ANO2: variants seen among roughly 807,000 people sequenced by gnomAD.
ANO2 encodes the protein anoctamin 2.
Under a neutral mutation model 124.2 loss-of-function variants are expected in ANO2, and 101 were observed. The ratio of observed to expected loss-of-function variants is 0.81; its 90% CI spans 0.69 to 0.96. The LOEUF (loss-of-function observed/expected upper bound fraction) is 0.96. Ranked by LOEUF, ANO2 falls within the 40% of genes least tolerant of loss-of-function variation. The pLI, the probability that ANO2 is intolerant of heterozygous loss-of-function variation, is 0.00. For missense variants in ANO2, 1,293 were observed against 1,274.5 expected, an observed-to-expected ratio of 1.01 and a Z score of -0.22; for synonymous variants, 486 against 482.5, an observed-to-expected ratio of 1.01 and a Z score of -0.09.
rs1950188590 is a variant in ANO2 at position 5,720,565 on chromosome 12, TC to T, written c.1545+11954del. ...AGTCAATTGTGCCTAACATCTCACA[TC>T]CCAATGGTATGTGCTGGCCTCTCCT... is the stretch of plus-strand genomic sequence containing the variant. On this transcript the variant is annotated intron_variant, in intron 14 of 24. Transcript: ENST00000682330. 4.6e-5 allele frequency among the ~76,000 whole-genome samples: 7 copies of T among 152,336 alleles called. 1 individual carries two copies. The highest frequency in any genetic ancestry group is 3.4e-3 in the Middle Eastern group (1 of 294).
intron 11 of ANO2, among the ~76,000 whole-genome samples, chr12:5,745,160 T>C (rs1473667166): frequency 1.3e-5 from 2 of 152,188 alleles, no homozygotes; most frequent in African/African-American, 4.8e-5. Flanking sequence ...TTTAGGCTCA[T>C]ATGAATGCTT....
At chr12:5,752,531 CT>C (rs1565642001) in intron 10 of ANO2, among the ~76,000 whole-genome samples, 3 of 152,068 alleles carry the variant, frequency 2.0e-5, no homozygotes, top group Non-Finnish European at 1.5e-5. Context: ...TATTTAGGTC[CT>C]TTACTTAATT....
chr12:5,614,505 G>C (rs1944697889), intron 17 of ANO2, among the ~76,000 whole-genome samples: 1 of 152,200 alleles, frequency 6.6e-6, no homozygotes, highest in South Asian at 2.1e-4. Context: ...ACAATCCAGT[G>C]TGCCAGGAGG....
intron 22 of ANO2, among the ~76,000 whole-genome samples, chr12:5,577,340 T>A (rs1418976623): frequency 6.6e-6 from 1 of 152,154 alleles, no homozygotes; most frequent in African/African-American, 2.4e-5. Context: ...TCCTGGGAGG[T>A]GGGACAGGAG....
At chr12:5,932,039 G>A (rs776523778) in intron 1 of ANO2, among the ~76,000 whole-genome samples, 1 of 69,454 alleles carries the variant, frequency 1.4e-5, no homozygotes, top group Non-Finnish European at 2.9e-5. Flanking sequence ...AAAGAAGACA[G>A]AAAAGGAAGG....
intron 23 of ANO2, among the ~76,000 whole-genome samples, chr12:5,570,988 A>G (rs1002702110): frequency 6.6e-6 from 1 of 152,120 alleles, no homozygotes; most frequent in African/African-American, 2.4e-5. Flanking sequence ...TTCGGTGGGA[A>G]GCAGATGGGA....
At chr12:5,746,206 T>C (rs778531651) in intron 11 of ANO2, among the ~76,000 whole-genome samples, 4 of 152,194 alleles carry the variant, frequency 2.6e-5, no homozygotes, top group Non-Finnish European at 5.9e-5. Flanking sequence ...AAAAACGTAT[T>C]AGCAGCCAAG....
At chr12:5,817,374 C>A (rs58080032) in intron 7 of ANO2, among the ~76,000 whole-genome samples, 1 of 152,268 alleles carries the variant, frequency 6.6e-6, no homozygotes, top group East Asian at 1.9e-4. Flanking sequence ...TTAAATTAAT[C>A]CATTCAATCA....
chr12:5,934,689 G>A (rs747936230), intron 1 of ANO2, among the ~76,000 whole-genome samples: 35 of 152,242 alleles, frequency 2.3e-4, no homozygotes, highest in Non-Finnish European at 4.4e-4. Context: ...GTCAAAACTG[G>A]TCTGTTGGCT....
rs558505147 is a variant in ANO2, at chr12:5,858,674, G to A, written c.535-4533C>T. On this transcript the variant is annotated intron_variant, in intron 3 of 24. Transcript: ENST00000682330. The stretch of plus-strand genomic sequence containing the variant: ...GGCTGTTGTGAGAACTGCAGATGAA[G>A]TAGGTGAAGTCCCTGCTAGTGTGCC... The A allele has an allele frequency of 2.6e-5, 4 of 152,366 alleles. No individual in the cohort carries two copies. In the South Asian group the frequency reaches 8.3e-4, roughly 32 times the overall value. 9.4% of individuals were successfully genotyped at this position (152,366 alleles called of 1,614,324 possible). A position where few individuals can be genotyped will look rare whatever the true frequency, so the allele number is the denominator to read the frequency against.
intron 14 of ANO2, among the ~76,000 whole-genome samples, chr12:5,664,438 T>C (rs1384317036): frequency 1.3e-5 from 2 of 152,212 alleles, no homozygotes; most frequent in African/African-American, 2.4e-5. Flanking sequence ...TCTTATATGC[T>C]TACTATGTTA....
chr12:5,823,093 T>A (rs957265590), intron 7 of ANO2, among the ~76,000 whole-genome samples: 9 of 152,330 alleles, frequency 5.9e-5, no homozygotes, highest in African/African-American at 2.2e-4. Flanking sequence ...AGTTGAGATT[T>A]GCAGGGGGAC....
At chr12:5,570,330 T>C (rs1942030364) in intron 23 of ANO2, among the ~76,000 whole-genome samples, 2 of 152,138 alleles carry the variant, frequency 1.3e-5, no homozygotes, top group Admixed American at 6.5e-5. Context: ...ACCCTATTAC[T>C]GTTGGAAGGA....
rs118189499 is a variant in ANO2, at chr12:5,723,951, G to A, written c.1545+8569C>T. 3.3e-3 allele frequency among the ~76,000 whole-genome samples: 503 copies of A among 152,106 alleles called. 12 individuals are homozygous for A. In the East Asian group the frequency reaches 0.048, roughly 15 times the overall value. On this transcript the variant is annotated intron_variant, in intron 14 of 24. Transcript: ENST00000682330. The stretch of plus-strand genomic sequence containing the variant: ...CTCAGGGACTGGTCTGAGAGCACAG[G>A]GGCTTGACTCCCCAACCGCCCTTCA...
At chr12:5,590,603 C>CTGCA (rs1943347834) in intron 20 of ANO2, among the ~76,000 whole-genome samples, 1 of 152,174 alleles carries the variant, frequency 6.6e-6, no homozygotes, top group South Asian at 2.1e-4. Flanking sequence ...GAAGAGCCTC[C>CTGCA]TGCATCCAGT....
chr12:5,940,079 A>G (rs897156950), intron 1 of ANO2, among the ~76,000 whole-genome samples: 1 of 150,832 alleles, frequency 6.6e-6, no homozygotes, highest in Non-Finnish European at 1.5e-5. Context: ...GGATGGATGG[A>G]TGGATGGATG....
chr12:5,859,261 A>C (rs1157281330), intron 3 of ANO2, among the ~76,000 whole-genome samples: 1 of 152,240 alleles, frequency 6.6e-6, no homozygotes, highest in African/African-American at 2.4e-5. Flanking sequence ...TTCTGTAGGA[A>C]GTCCCAGGCC....
At position 5,832,611 on chromosome 12, in the gene ANO2, A is replaced by G. The variant is rs768301900; in HGVS notation, c.634-8T>C. 1.2e-6 allele frequency: 2 copies of G among 1,608,898 alleles called. No homozygotes were observed. Among genetic ancestry groups the G allele is most frequent in the South Asian group, 1.1e-5 (1 of 90,564 alleles). On this transcript the variant is annotated splice_region_variant and splice_polypyrimidine_tract_variant and intron_variant, in intron 4 of 24. Transcript: ENST00000682330. ...TGCTTTGATCTCGTACATCTATGAA[A>G]GGAAGAGCCACAGGTCTGAAAAGGG...
At chr12:5,923,028 A>ATACACACACG in intron 1 of ANO2, among the ~76,000 whole-genome samples, 1 of 145,854 alleles carries the variant, frequency 6.9e-6, no homozygotes, top group African/African-American at 2.6e-5. Context: ...ACGCACACAC[A>ATACACACACG]CATACACACA....
Sources: gnomAD v4.1 joint callset for allele counts (sites outside exome capture counted in the v4.1 genomes callset) on GRCh38, gnomAD v4.1.1 for gene constraint, MANE v1.5 for transcripts, NCBI Gene and HGNC (gene_info 2026-07-23, HGNC 2026-07-21) for gene names.